ZRANB1: variants seen among roughly 807,000 people sequenced by gnomAD.
The protein encoded by ZRANB1 is zinc finger RANBP2-type containing 1.
A neutral mutation model predicts 80.5 loss-of-function variants in ZRANB1; 16 were observed. The ratio of observed to expected loss-of-function variants is 0.20; its 90% CI spans 0.13 to 0.30. The LOEUF is 0.30. Ranked by LOEUF, ZRANB1 falls within the 10% of genes least tolerant of loss-of-function variation. The pLI, the probability that ZRANB1 is intolerant of heterozygous loss-of-function variation, is 1.00. For synonymous variants in ZRANB1, 291 were observed against 293.1 expected, an observed-to-expected ratio of 0.99 and a Z score of 0.07; for missense variants, 576 against 862.6, an observed-to-expected ratio of 0.67 and a Z score of 4.16.
intron 2 of ZRANB1, 111 bp from the exon 3 acceptor site, chr10:124,971,854 A>G (rs537016767): frequency 2.9e-6 from 3 of 1,036,342 alleles, no homozygotes; most frequent in Non-Finnish European, 4.0e-6. Context: ...TTTTAAGATT[A>G]AAGAAAACCT....
chr10:124,956,339 G>A (rs1162976530), intron 1 of ZRANB1, among the ~76,000 whole-genome samples: 1 of 152,054 alleles, frequency 6.6e-6, no homozygotes, highest in Admixed American at 6.6e-5. Context: ...TAGGCACACG[G>A]TTTAAAAAAA....
At chr10:124,919,393 G>A in the ZRANB1 span, among the ~76,000 whole-genome samples, 3 of 151,776 alleles carry the variant, frequency 2.0e-5, no homozygotes, top group South Asian at 6.2e-4. Flanking sequence ...AAAAATACAA[G>A]AAAATTTGCC....
Position 124,983,588 on chromosome 10 carries a change from G to T in ZRANB1, c.1808G>T (p.Gly603Val). 2 of 1,614,102 alleles carry T rather than the reference G, an allele frequency of 1.2e-6. No homozygotes were observed. Among genetic ancestry groups the T allele is most frequent in the Non-Finnish European group, 1.7e-6 (2 of 1,180,014 alleles). Residue 603 changes from glycine to valine, a missense_variant, in exon 8 of 9, where the codon GGT (glycine) becomes GTT (valine). Physicochemically the swap from Gly to Val is moderately radical, Grantham distance 109. This residue lies in a region of ZRANB1 where 152 missense variants were observed against 221.9 expected (regional missense o/e 0.69). Transcript: ENST00000359653. This position sits in a 1 kb window ranked among gnomAD's most constrained non-coding sequence, Gnocchi z 6.2. The part of the protein sequence containing the change: ...ENDGYGNRGA[G>V]ANLNTDDDVT... ...GATGGCTATGGCAACCGAGGTGCTG[G>T]TGCTAATCTCAATACCGATGATGAT...
rs1038566440 is a variant in ZRANB1, at chr10:124,942,436, C to A, written c.-58C>A. On this transcript the variant is annotated 5_prime_UTR_variant, in exon 1 of 9. Transcript: ENST00000359653. Reference sequence around the variant, plus strand: ...AGGTGGAATGTAGTTATTTTAATAACCATGTCCTAATTATTTATAGCTTCC... The same window carrying A: ...AGGTGGAATGTAGTTATTTTAATAAACATGTCCTAATTATTTATAGCTTCC... 6.2e-7 allele frequency: 1 copy of A among 1,604,232 alleles called. No homozygotes were observed. The highest frequency in any genetic ancestry group is 8.5e-7 in the Non-Finnish European group (1 of 1,173,672).
Position 124,985,037 on chromosome 10 carries a change from T to C in ZRANB1, c.*45T>C, listed in dbSNP as rs892433427. 12 of 1,466,482 alleles carry C rather than the reference T, an allele frequency of 8.2e-6. No homozygotes were observed. The African/African-American group carries it at 9.8e-5, about 12-fold the overall frequency. 90.8% of individuals were successfully genotyped at this position (1,466,482 alleles called of 1,614,324 possible). On this transcript the variant is annotated 3_prime_UTR_variant, in exon 9 of 9. Transcript: ENST00000359653. ...GAAGACCAAGGCATCAGATCTGTAA[T>C]GACCCTAAAGTTAGTGTGGTGCTCC...
intron 1 of ZRANB1, among the ~76,000 whole-genome samples, chr10:124,958,713 C>G (rs573247486): frequency 2.8e-4 from 42 of 152,200 alleles, no homozygotes; most frequent in Admixed American, 2.7e-3. Context: ...TTTGGGAGTC[C>G]CTGTGGAGCT....
rs1951551224 is a variant in ZRANB1, at chr10:124,943,138, A to T, written c.645A>T (p.Arg215Ser). The change falls in exon 1 of 9, where the codon AGA becomes AGT. Residue 215 changes from arginine (R) to serine (S), a missense_variant. By Grantham distance (110) the Arg-to-Ser change is moderately radical (BLOSUM62 -1). Transcript: ENST00000359653. ...GSCSSGNSQR[R>S]SPPATKRDSE... ...GCAGTAGTGGTAATAGCCAAAGGAG[A>T]TCACCTCCTGCTACGAAGCGGGACT... 1.2e-6 allele frequency: 2 copies of T among 1,614,074 alleles called. No homozygotes were observed. Among genetic ancestry groups the T allele is most frequent in the Non-Finnish European group, 1.7e-6 (2 of 1,180,044 alleles).
chr10:124,982,101 A>G (rs1159280829), intron 6 of ZRANB1, among the ~76,000 whole-genome samples: 2 of 152,344 alleles, frequency 1.3e-5, no homozygotes, highest in African/African-American at 4.8e-5. Flanking sequence ...ATGATTAAAA[A>G]CATCAAAAAG....
At chr10:124,971,254 G>A (rs932394334) in intron 2 of ZRANB1, among the ~76,000 whole-genome samples, 1 of 152,184 alleles carries the variant, frequency 6.6e-6, no homozygotes, top group African/African-American at 2.4e-5. Flanking sequence ...AACATTTGTT[G>A]CTATTTAGCA....
the ZRANB1 span, among the ~76,000 whole-genome samples, chr10:124,929,091 A>G: frequency 6.6e-6 from 1 of 152,164 alleles, no homozygotes; most frequent in Non-Finnish European, 1.5e-5. Context: ...CCAAGTGACA[A>G]ATAATGGTGG....
At chr10:124,969,878 G>A (rs568256710) in intron 2 of ZRANB1, among the ~76,000 whole-genome samples, 1 of 152,202 alleles carries the variant, frequency 6.6e-6, no homozygotes, top group South Asian at 2.1e-4. Context: ...GAAGGTGAGT[G>A]GCAGGCTTCA....
At chr10:124,956,391 TTTC>T (rs1168157035) in intron 1 of ZRANB1, among the ~76,000 whole-genome samples, 1 of 152,156 alleles carries the variant, frequency 6.6e-6, no homozygotes, top group African/African-American at 2.4e-5. Context: ...AATGCAATAG[TTTC>T]TTCTTCTCTC....
Position 124,961,120 on chromosome 10 carries a change from G to C in ZRANB1, c.815-5474G>C, listed in dbSNP as rs531695333. Among the ~76,000 whole-genome samples the C allele has an allele frequency of 1.7e-4, 26 of 152,032 alleles. 1 individual carries two copies. Among genetic ancestry groups the C allele is most frequent in the African/African-American group, 6.3e-4 (26 of 41,488 alleles). On this transcript the variant is annotated intron_variant, in intron 1 of 8. Coordinates refer to ENST00000359653, the MANE Select transcript of ZRANB1 (RefSeq NM_017580.3). ...GGGTTCAAGCGATTCTCCTGCCTCA[G>C]CCTCCCGAGTAGCTGAGATGACAGG...
the ZRANB1 span, among the ~76,000 whole-genome samples, chr10:124,932,804 C>T: frequency 3.3e-5 from 5 of 152,010 alleles, no homozygotes; most frequent in Non-Finnish European, 7.4e-5. Flanking sequence ...CTCAGGTGAT[C>T]AGCCCACCTT....
the ZRANB1 span, among the ~76,000 whole-genome samples, chr10:124,920,335 G>C: frequency 3.4e-3 from 511 of 152,248 alleles, 2 homozygotes; most frequent in African/African-American, 0.011. Flanking sequence ...TTTGGTATTC[G>C]ATTTGGAATA....
At chr10:124,939,413 G>C (rs1951515755), upstream of ZRANB1, among the ~76,000 whole-genome samples, 1 of 152,104 alleles carries the variant, frequency 6.6e-6, no homozygotes, top group Admixed American at 6.5e-5. Flanking sequence ...AGGTTGGTGG[G>C]CTAATTAGGC....
At chr10:124,918,048 A>G in the ZRANB1 span, among the ~76,000 whole-genome samples, 3 of 152,178 alleles carry the variant, frequency 2.0e-5, no homozygotes, top group South Asian at 6.2e-4. Context: ...TATTTCAGTC[A>G]GTTGATTACC....
At chr10:124,932,720 G>T in the ZRANB1 span, among the ~76,000 whole-genome samples, 1 of 150,376 alleles carries the variant, frequency 6.6e-6, no homozygotes, top group African/African-American at 2.5e-5. Flanking sequence ...ACCTAATGAT[G>T]TATGGTGTAT....
rs747462925 is a variant in ZRANB1 at position 124,943,164 on chromosome 10, C to G, written c.671C>G (p.Ser224Cys). The G allele has an allele frequency of 1.2e-6, 2 of 1,614,192 alleles. No individual in the cohort carries two copies. Among genetic ancestry groups the G allele is most frequent in the Non-Finnish European group, 1.7e-6 (2 of 1,180,044 alleles). The change falls in exon 1 of 9, where the codon TCT becomes TGT. Residue 224 changes from serine (S) to cysteine (C), a missense_variant. Around this residue, in one of 3 missense-constraint regions of ZRANB1, gnomAD observed 411 missense variants for 583.1 expected, o/e 0.70. Transcript: ENST00000359653. ...TCACCTCCTGCTACGAAGCGGGACTCTGAAGTGAAAATGGATTTTCAGAGG... is the reference window on the plus strand; with the variant it reads ...TCACCTCCTGCTACGAAGCGGGACTGTGAAGTGAAAATGGATTTTCAGAGG... ...RRSPPATKRD[S>C]EVKMDFQRIE... is the part of the protein sequence containing the mutation.
Sources: allele counts gnomAD v4.1 joint callset (sites outside exome capture counted in the v4.1 genomes callset), GRCh38; gene constraint gnomAD v4.1.1; regional missense constraint gnomAD v4.1.1; non-coding constraint Gnocchi (gnomAD v3.1); transcripts MANE v1.5; gene names NCBI Gene and HGNC (gene_info 2026-07-23, HGNC 2026-07-21).